Variants in TCN1 observed in about 807,000 individuals in gnomAD.
TCN1 encodes transcobalamin 1, also known as transcobalamin-1.
TCN1 carries 47 observed loss-of-function variants against 46.3 expected under a neutral mutation model. That is an observed-to-expected ratio of 1.01 (90% CI 0.80 to 1.29). TCN1 has a LOEUF of 1.29. TCN1 is among the 50% of genes most tolerant of loss of function. The probability of loss-of-function intolerance (pLI) is 0.00; values close to 1 mark genes in which losing one functional copy is unlikely to be tolerated. For synonymous variants in TCN1, 183 were observed against 192.5 expected (o/e 0.95, Z 0.41); for missense variants, 532 against 511.0 (o/e 1.04, Z -0.40).
rs576401286 is a variant in TCN1 at position 59,862,224 on chromosome 11, G to C, written c.400+358C>G. Among the ~76,000 whole-genome samples, 73 of 152,232 alleles carry C rather than the reference G, an allele frequency of 4.8e-4. No individual in the cohort carries two copies. The South Asian group carries it at 0.014, about 29-fold the overall frequency. On this transcript the variant is annotated intron_variant, in intron 3 of 8. Transcript: ENST00000257264. ...TGTATATTTTGGTACTTATGACACT[G>C]TATCCTGTATTGTTCAGCTATTTCT...
intron 3 of TCN1, 58 bp downstream of exon 3, chr11:59,862,524 T>C: frequency 6.3e-7 from 1 of 1,592,664 alleles, no homozygotes; most frequent in Non-Finnish European, 8.6e-7. Context: ...TCATATAGTT[T>C]TGAATCAGTG....
intron 2 of TCN1, 29 bp downstream of exon 2, chr11:59,863,878 T>G: frequency 1.9e-6 from 3 of 1,612,544 alleles, no homozygotes; most frequent in Non-Finnish European, 2.5e-6. Context: ...GATTTTTTTC[T>G]AAATCTTCCA....
In TCN1 at chr11:59,864,046, C is replaced by G. The variant is rs754079371; in HGVS notation, c.120G>C (p.Leu40Phe). 3.1e-6 allele frequency: 5 copies of G among 1,613,860 alleles called. No individual in the cohort carries two copies. The highest frequency in any genetic ancestry group is 4.2e-6 in the Non-Finnish European group (5 of 1,179,798). ...EENYIRLKPL[L>F]NTMIQSNYNR... ...TATAGTTTGACTGGATCATTGTATT[C>G]AACAGAGGTTTTAGGCGGATGTAGT... The change falls in exon 2 of 9, where the codon TTG (leucine) becomes TTC (phenylalanine). Residue 40 changes from leucine to phenylalanine, a missense_variant. Physicochemically the swap from Leu to Phe is conservative, Grantham distance 22. Coordinates refer to ENST00000257264, the MANE Select transcript of TCN1 (RefSeq NM_001062.4).
intron 7 of TCN1, among the ~76,000 whole-genome samples, chr11:59,853,675 A>T (rs1866692047): frequency 6.6e-6 from 1 of 152,208 alleles, no homozygotes; most frequent in Non-Finnish European, 1.5e-5. Flanking sequence ...CTGATTCAGT[A>T]GAAGAACATA....
chr11:59,859,620 C>T (rs987129747), intron 4 of TCN1, among the ~76,000 whole-genome samples: 1 of 152,200 alleles, frequency 6.6e-6, no homozygotes, highest in African/African-American at 2.4e-5. Context: ...ATAATGTACT[C>T]TGGCCACCTT....
At chr11:59,865,188 A>G (rs1328460140) in intron 1 of TCN1, among the ~76,000 whole-genome samples, 2 of 152,144 alleles carry the variant, frequency 1.3e-5, no homozygotes, top group Non-Finnish European at 2.9e-5. Flanking sequence ...GAAGATCTGA[A>G]TAGAGTGATT....
intron 5 of TCN1, among the ~76,000 whole-genome samples, chr11:59,856,370 A>T (rs1852938483): frequency 6.6e-6 from 1 of 152,140 alleles, no homozygotes; most frequent in Non-Finnish European, 1.5e-5. Context: ...CCTGTCATAT[A>T]GGAGACACTC....
chr11:59,856,148 A>T (rs969027717), intron 5 of TCN1, 90 bp from the exon 6 acceptor site: 6 of 1,032,012 alleles, frequency 5.8e-6, no homozygotes, highest in Non-Finnish European at 8.9e-6. Context: ...GGGAAGCCTT[A>T]TCTATAACTA....
intron 1 of TCN1, among the ~76,000 whole-genome samples, chr11:59,865,618 G>A (rs1346662164): frequency 6.6e-6 from 1 of 152,078 alleles, no homozygotes; most frequent in African/African-American, 2.4e-5. Context: ...TCTCACAAAA[G>A]AGAATTCATG....
chr11:59,861,606 C>T lies in TCN1; in HGVS notation c.477G>A (p.Gly159=). The T allele has an allele frequency of 6.2e-7, 1 of 1,614,062 alleles. No individual in the cohort carries two copies. Among genetic ancestry groups the T allele is most frequent in the Non-Finnish European group, 8.5e-7 (1 of 1,179,958 alleles). ...LDVLALCLFN[G]NYSTAEVVNH... The stretch of plus-strand genomic sequence containing the variant: ...TGACAACTTCGGCGGTTGAGTAGTT[C>T]CCATTGAACAGACACAAGGCCAAAA... Residue 159 remains glycine (G), a synonymous_variant, in exon 4 of 9, where the codon GGG becomes GGA. Coordinates refer to ENST00000257264, the MANE Select transcript of TCN1 (RefSeq NM_001062.4).
At chr11:59,855,723 A>G in intron 6 of TCN1, 146 bp downstream of exon 6, 1 of 862,958 alleles carries the variant, frequency 1.2e-6, no homozygotes, top group East Asian at 2.6e-5. Context: ...AACCCTGGTA[A>G]CATGAGGAAA....
chr11:59,862,572 T>A lies in TCN1; in HGVS notation c.400+10A>T, dbSNP rs1853026404. On this transcript the variant is annotated intron_variant, in intron 3 of 8. Transcript: ENST00000257264. Reference sequence around the variant, plus strand: ...AGGTAGTCTAGGGTCTCTAAATATTTAATTCTTACCCATATTTTCAATTTC... The same window carrying A: ...AGGTAGTCTAGGGTCTCTAAATATTAAATTCTTACCCATATTTTCAATTTC... 1.2e-6 allele frequency: 2 copies of A among 1,613,144 alleles called. No homozygotes were observed. The highest frequency in any genetic ancestry group is 1.7e-6 in the Non-Finnish European group (2 of 1,179,344).
At chr11:59,854,450 A>G (rs1249969797) in intron 7 of TCN1, among the ~76,000 whole-genome samples, 1 of 152,194 alleles carries the variant, frequency 6.6e-6, no homozygotes, top group African/African-American at 2.4e-5. Flanking sequence ...TTTAGCGAAC[A>G]TTAATTTACT....
chr11:59,865,923 A>G (rs1050875978), intron 1 of TCN1, among the ~76,000 whole-genome samples: 1 of 152,196 alleles, frequency 6.6e-6, no homozygotes, highest in Non-Finnish European at 1.5e-5. Context: ...AAACTCACTC[A>G]TGACAAGACA....
chr11:59,862,569 A>G lies in TCN1; in HGVS notation c.400+13T>C. 1 of 1,613,058 alleles carries G rather than the reference A, an allele frequency of 6.2e-7. No individual in the cohort carries two copies. The highest frequency in any genetic ancestry group is 8.5e-7 in the Non-Finnish European group (1 of 1,179,294). ...ACAAGGTAGTCTAGGGTCTCTAAAT[A>G]TTTAATTCTTACCCATATTTTCAAT... On this transcript the variant is annotated intron_variant, in intron 3 of 8. Coordinates refer to ENST00000257264, the MANE Select transcript of TCN1 (RefSeq NM_001062.4).
Position 59,861,572 on chromosome 11 carries a change from T to C in TCN1, c.511A>G (p.Thr171Ala). The C allele has an allele frequency of 6.2e-7, 1 of 1,614,094 alleles. No individual in the cohort carries two copies. The highest frequency in any genetic ancestry group is 8.5e-7 in the Non-Finnish European group (1 of 1,179,988). The change falls in exon 4 of 9, where the codon ACT (threonine) becomes GCT (alanine). Residue 171 changes from threonine to alanine, a missense_variant. Physicochemically the swap from Thr to Ala is moderately conservative, Grantham distance 58. Coordinates refer to ENST00000257264, the MANE Select transcript of TCN1 (RefSeq NM_001062.4). Reference sequence around the variant, plus strand: ...AAATAATAGTTTTTATTTTCAGGAGTGAAGTGGTTGACAACTTCGGCGGTT... The same window carrying C: ...AAATAATAGTTTTTATTTTCAGGAGCGAAGTGGTTGACAACTTCGGCGGTT... ...YSTAEVVNHF[T>A]PENKNYYFGS...
chr11:59,862,553 T>A (rs1234874552), intron 3 of TCN1, 29 bp downstream of exon 3: 1 of 1,611,556 alleles, frequency 6.2e-7, no homozygotes, highest in Non-Finnish European at 8.5e-7. Context: ...GACAAGGTAG[T>A]CTAGGGTCTC....
chr11:59,855,760 G>T (rs547697594), intron 6 of TCN1, 109 bp downstream of exon 6: 9 of 1,217,388 alleles, frequency 7.4e-6, no homozygotes, highest in Non-Finnish European at 1.1e-5. Context: ...CAACTGTTAT[G>T]TTTTGGAGGT....
At chr11:59,858,752 T>C (rs1852981100) in intron 5 of TCN1, among the ~76,000 whole-genome samples, 1 of 152,174 alleles carries the variant, frequency 6.6e-6, no homozygotes, top group Non-Finnish European at 1.5e-5. Flanking sequence ...GTGGATCACC[T>C]GAGGTCAGGA....
Sources: allele counts gnomAD v4.1 joint callset (sites outside exome capture counted in the v4.1 genomes callset), GRCh38; gene constraint gnomAD v4.1.1; transcripts MANE v1.5; gene names NCBI Gene and HGNC (gene_info 2026-07-23, HGNC 2026-07-21).